TANK: variants seen among roughly 807,000 people sequenced by gnomAD.
The protein encoded by TANK is TRAF family member-associated NF-kappa-B activator.
In TANK, 15 loss-of-function variants were observed where a neutral mutation model predicts 43.6. The ratio of observed to expected loss-of-function variants is 0.34; its 90% confidence interval spans 0.23 to 0.53. The LOEUF is 0.53. Ranked by LOEUF, TANK falls within the 20% of genes least tolerant of loss-of-function variation. The pLI, the probability that TANK is intolerant of heterozygous loss-of-function variation, is 0.94. For synonymous variants in TANK, 162 were observed against 178.2 expected (o/e 0.91, Z 0.73); for missense variants, 417 against 498.6 (o/e 0.84, Z 1.56).
At chr2:161,235,311 A>C in intron 7 of TANK, 31 bp from the exon 8 acceptor site, 1 of 1,556,728 alleles carries the variant, frequency 6.4e-7, no homozygotes, top group Non-Finnish European at 8.7e-7. Flanking sequence ...TTTAAACATA[A>C]GTAACAGATA....
chr2:161,141,153 T>G (rs145137756), intron 1 of TANK, among the ~76,000 whole-genome samples: 2 of 152,158 alleles, frequency 1.3e-5, no homozygotes, highest in South Asian at 4.1e-4. Context: ...GCACCACCTC[T>G]ATCTAGTTTC....
intron 1 of TANK, among the ~76,000 whole-genome samples, chr2:161,168,346 G>A (rs1320618069): frequency 6.6e-6 from 1 of 152,076 alleles, no homozygotes; most frequent in Non-Finnish European, 1.5e-5. Flanking sequence ...TCCCAGAAAG[G>A]AATACAAAAG....
chr2:161,180,219 A>G (rs995649143), intron 2 of TANK: 31 of 631,790 alleles, frequency 4.9e-5, no homozygotes, highest in Non-Finnish European at 6.1e-5. Context: ...TCCATTCTTT[A>G]TAACAATTCA....
At chr2:161,167,748 A>G (rs1684752557) in intron 1 of TANK, among the ~76,000 whole-genome samples, 1 of 151,954 alleles carries the variant, frequency 6.6e-6, no homozygotes, top group Non-Finnish European at 1.5e-5. Flanking sequence ...TCAGCCTCCC[A>G]AGTAGCTGGG....
chr2:161,188,519 T>G (rs943196314), intron 2 of TANK, among the ~76,000 whole-genome samples: 1 of 152,110 alleles, frequency 6.6e-6, no homozygotes, highest in African/African-American at 2.4e-5. Context: ...GTAAGGAGAT[T>G]GAATCAGTAA....
At chr2:161,207,430 T>TAATAAA (rs1686700821) in intron 4 of TANK, 1 of 981,010 alleles carries the variant, frequency 1.0e-6, no homozygotes, top group Non-Finnish European at 1.2e-6. Flanking sequence ...TGTAACCATT[T>TAATAAA]AATAAAAATA....
intron 3 of TANK, 57 bp from the exon 4 acceptor site, chr2:161,204,618 A>G: frequency 1.3e-6 from 2 of 1,527,972 alleles, no homozygotes; most frequent in Non-Finnish European, 1.8e-6. Flanking sequence ...TTGCTTTTTC[A>G]GGTGGTACCA....
At chr2:161,143,894 G>A (rs1363304677) in intron 1 of TANK, among the ~76,000 whole-genome samples, 1 of 152,128 alleles carries the variant, frequency 6.6e-6, no homozygotes, top group Non-Finnish European at 1.5e-5. Flanking sequence ...AATGGTACAA[G>A]CTCCTCTTTG....
intron 5 of TANK, 61 bp from the exon 6 acceptor site, chr2:161,224,570 A>G (rs1574064456): frequency 1.4e-6 from 1 of 709,418 alleles, no homozygotes; most frequent in East Asian, 2.9e-5. Flanking sequence ...CATAAGTTTG[A>G]TTATTTAAAA....
intron 1 of TANK, among the ~76,000 whole-genome samples, chr2:161,165,220 A>G (rs745610706): frequency 6.6e-6 from 1 of 152,174 alleles, no homozygotes; most frequent in Non-Finnish European, 1.5e-5. Flanking sequence ...AGAGTCTTTG[A>G]AATAGTTGCA....
chr2:161,155,762 C>A (rs1684207799), upstream of TANK, among the ~76,000 whole-genome samples: 1 of 152,154 alleles, frequency 6.6e-6, no homozygotes, highest in Non-Finnish European at 1.5e-5. Context: ...GATGGACTTT[C>A]CAATGTGTTT....
chr2:161,176,429 T>A (rs1487599042), intron 1 of TANK, among the ~76,000 whole-genome samples: 1 of 152,162 alleles, frequency 6.6e-6, no homozygotes, highest in East Asian at 1.9e-4. Flanking sequence ...CATACATTCT[T>A]ATTTCAGGAA....
chr2:161,202,142 C>T (rs899810713), intron 2 of TANK, among the ~76,000 whole-genome samples: 9 of 147,184 alleles, frequency 6.1e-5, no homozygotes, highest in Non-Finnish European at 1.0e-4. Context: ...TATAAAAGTT[C>T]ACCTTTCATT....
chr2:161,155,861 A>G (rs1385582366), upstream of TANK, among the ~76,000 whole-genome samples: 2 of 152,218 alleles, frequency 1.3e-5, no homozygotes, highest in African/African-American at 2.4e-5. Flanking sequence ...GTCACCCAGT[A>G]TAGACACCAA....
intron 6 of TANK, chr2:161,227,194 G>C (rs1192697448): frequency 6.6e-6 from 1 of 152,168 alleles, no homozygotes; most frequent in African/African-American, 2.4e-5. Flanking sequence ...CTCACTGCTT[G>C]AGCAGATTAA....
intron 4 of TANK, among the ~76,000 whole-genome samples, chr2:161,205,637 A>G (rs978408355): frequency 6.6e-6 from 1 of 152,200 alleles, no homozygotes; most frequent in Non-Finnish European, 1.5e-5. Flanking sequence ...TCCACCAATA[A>G]TAGAATAGTC....
chr2:161,211,895 C>T (rs1686905384), intron 4 of TANK: 1 of 984,822 alleles, frequency 1.0e-6, no homozygotes, highest in African/African-American at 1.7e-5. Flanking sequence ...CTAGAAACTG[C>T]ATTATATATA....
chr2:161,179,698 G>T lies in TANK; in HGVS notation c.36G>T (p.Ala12=). The T allele has an allele frequency of 1.2e-6, 2 of 1,613,122 alleles. No homozygotes were observed. The highest frequency in any genetic ancestry group is 8.5e-7 in the Non-Finnish European group (1 of 1,179,448). The change falls in exon 2 of 8, where the codon GCG becomes GCT. Residue 12 remains alanine, a synonymous_variant. Transcript: ENST00000392749. ...DKNIGEQLNK[A]YEAFRQACMD... is the part of the protein sequence containing the mutation. ...ACATTGGCGAGCAACTCAATAAAGC[G>T]TATGAAGCCTTCCGGCAGGCATGCA...
Position 161,179,768 on chromosome 2 carries a change from G to A in TANK, c.99+7G>A, listed in dbSNP as rs1222658426. ...AAAAGAATTACAGCAAAAGGTGTGT[G>A]GTTCTGGTTTTGAAAGTTATTCTTT... On this transcript the variant is annotated splice_region_variant and intron_variant, in intron 2 of 7. Transcript: ENST00000392749. The A allele has an allele frequency of 1.2e-6, 2 of 1,606,474 alleles. No individual in the cohort carries two copies. The highest frequency in any genetic ancestry group is 8.5e-7 in the Non-Finnish European group (1 of 1,175,542).
Sources: allele counts gnomAD v4.1 joint callset (sites outside exome capture counted in the v4.1 genomes callset), GRCh38; gene constraint gnomAD v4.1.1; transcripts MANE v1.5; gene names NCBI Gene and HGNC (gene_info 2026-07-23, HGNC 2026-07-21).